The following TRIM35 variants were observed in gnomAD, a reference collection of about 807,000 sequenced individuals.
TRIM35 encodes E3 ubiquitin-protein ligase TRIM35.
Under a neutral mutation model 49.1 loss-of-function variants are expected in TRIM35, and 37 were observed. The observed-to-expected ratio is 0.75, with a 90% CI of 0.58 to 0.99. The LOEUF is 0.99. Among genes scored for constraint, TRIM35 ranks in the 50% least tolerant of loss-of-function variants. TRIM35 has a pLI of 0.00. For missense variants in TRIM35, 648 were observed against 702.7 expected (o/e 0.92, Z 0.88); for synonymous variants, 302 against 289.3 (o/e 1.04, Z -0.45).
At chr8:27,298,721 G>A (rs1802623735) in intron 1 of TRIM35, among the ~76,000 whole-genome samples, 162 bp from the exon 2 acceptor site, 2 of 152,182 alleles carry the variant, frequency 1.3e-5, no homozygotes, top group African/African-American at 4.8e-5. Flanking sequence ...GGGCACAAAT[G>A]GTAAGTAAGG....
At chr8:27,309,660 T>A (rs1802862788) in intron 1 of TRIM35, among the ~76,000 whole-genome samples, 1 of 152,042 alleles carries the variant, frequency 6.6e-6, no homozygotes, top group African/African-American at 2.4e-5. Flanking sequence ...ATGAAATAAA[T>A]TCAATGTTTC....
chr8:27,290,642 C>T (rs1802434232), intron 3 of TRIM35, among the ~76,000 whole-genome samples: 1 of 152,182 alleles, frequency 6.6e-6, no homozygotes, highest in Non-Finnish European at 1.5e-5. Context: ...TTATAATTTA[C>T]CCAGTCTGTG....
At chr8:27,310,196 T>C (rs957596785) in intron 1 of TRIM35, among the ~76,000 whole-genome samples, 1 of 152,178 alleles carries the variant, frequency 6.6e-6, no homozygotes, top group African/African-American at 2.4e-5. Flanking sequence ...GAATTCTCCA[T>C]GTTAGTTTTG....
intron 3 of TRIM35, 87 bp downstream of exon 3, chr8:27,293,993 A>T (rs1383460880): frequency 7.6e-7 from 1 of 1,322,876 alleles, no homozygotes; most frequent in Non-Finnish European, 1.0e-6. Context: ...CAGGAAGATG[A>T]CGTTGGCCAG....
intron 3 of TRIM35, among the ~76,000 whole-genome samples, chr8:27,291,394 TA>T (rs1034043485): frequency 6.6e-6 from 1 of 152,142 alleles, no homozygotes; most frequent in African/African-American, 2.4e-5. Context: ...TTATAATTTT[TA>T]AAAAACAAAT....
intron 4 of TRIM35, 123 bp from the exon 5 acceptor site, chr8:27,289,403 C>T: frequency 1.3e-6 from 1 of 746,886 alleles, no homozygotes; most frequent in Non-Finnish European, 2.3e-6. Flanking sequence ...TCCTGGCCAC[C>T]TTCTCCAAGA....
At position 27,285,496 on chromosome 8, in the gene TRIM35, A is replaced by T. The variant is rs1296853863; in HGVS notation, c.*2054T>A. 1 of 152,212 alleles carries T rather than the reference A, an allele frequency of 6.6e-6. No homozygotes were observed. The highest frequency in any genetic ancestry group is 2.4e-5 in the African/African-American group (1 of 41,460). 9.4% of individuals were successfully genotyped at this position (152,212 alleles called of 1,614,324 possible). A position where few individuals can be genotyped will look rare whatever the true frequency, so the allele number is the denominator to read the frequency against. On this transcript the variant is annotated 3_prime_UTR_variant, in exon 6 of 6. Transcript: ENST00000305364. ...CGATGCATGATAAATAAAATGTAGT[A>T]CTACCATTCCATACAATGGAATATT...
chr8:27,294,475 G>A (rs1289442271), intron 2 of TRIM35, among the ~76,000 whole-genome samples, 165 bp from the exon 3 acceptor site: 2 of 152,194 alleles, frequency 1.3e-5, no homozygotes, highest in Non-Finnish European at 2.9e-5. Context: ...AAATTTCTAA[G>A]TTCCGATTTC....
chr8:27,308,192 A>C (rs765976644), intron 1 of TRIM35, among the ~76,000 whole-genome samples: 12 of 136,938 alleles, frequency 8.8e-5, no homozygotes, highest in Non-Finnish European at 1.2e-4. Context: ...CCAGAACCAT[A>C]AGAGAACAAA....
At chr8:27,297,535 CA>C (rs1802594538) in intron 2 of TRIM35, among the ~76,000 whole-genome samples, 2 of 152,176 alleles carry the variant, frequency 1.3e-5, no homozygotes, top group African/African-American at 4.8e-5. Context: ...TATTGTGTGC[CA>C]AGAACTCCTC....
chr8:27,301,415 G>A lies in TRIM35; in HGVS notation c.436-2856C>T, dbSNP rs554029194. ...ACCATATGTGTCTTCACTTTACTGC[G>A]TAATGCCAAATTGTTTTCCAAAGCA... On this transcript the variant is annotated intron_variant, in intron 1 of 5. Transcript: ENST00000305364. Among the ~76,000 whole-genome samples, 9 of 152,298 alleles carry A rather than the reference G, an allele frequency of 5.9e-5. No individual in the cohort carries two copies. The East Asian group carries it at 9.7e-4, about 16-fold the overall frequency.
At chr8:27,293,013 T>C (rs572910951) in intron 3 of TRIM35, among the ~76,000 whole-genome samples, 3 of 152,212 alleles carry the variant, frequency 2.0e-5, no homozygotes, top group African/African-American at 7.2e-5. Flanking sequence ...CTTTTTTTTT[T>C]TTCTTCATTT....
chr8:27,292,435 A>G (rs901906445), intron 3 of TRIM35, among the ~76,000 whole-genome samples: 7 of 152,268 alleles, frequency 4.6e-5, no homozygotes, highest in African/African-American at 1.7e-4. Context: ...GCATGATTAT[A>G]TATCTATGCC....
At chr8:27,292,755 A>G (rs1802480488) in intron 3 of TRIM35, among the ~76,000 whole-genome samples, 2 of 152,224 alleles carry the variant, frequency 1.3e-5, no homozygotes, top group Admixed American at 1.3e-4. Context: ...GAAATGTTCT[A>G]AAATTGTCGT....
At chr8:27,290,288 T>C (rs1802426506) in intron 3 of TRIM35, 110 bp from the exon 4 acceptor site, 6 of 1,074,898 alleles carry the variant, frequency 5.6e-6, no homozygotes, top group African/African-American at 1.6e-5. Flanking sequence ...AGTCTTAATA[T>C]TGTCAAGATG....
intron 1 of TRIM35, among the ~76,000 whole-genome samples, chr8:27,304,586 T>C (rs1448308885): frequency 6.6e-6 from 1 of 152,248 alleles, no homozygotes; most frequent in African/African-American, 2.4e-5. Flanking sequence ...CCAGGTCCTC[T>C]CTACCTTGCA....
rs904292978 is a variant in TRIM35 at position 27,285,404 on chromosome 8, C to T, written c.*2146G>A. 2.6e-5 allele frequency: 4 copies of T among 152,124 alleles called. No homozygotes were observed. Among genetic ancestry groups the T allele is most frequent in the Admixed American group, 2.6e-4 (4 of 15,272 alleles). The allele number at this position is 152,124 out of a possible 1,614,324, so 9.4% of individuals were successfully genotyped here. ...ACATATGTCCACACAAAAACTCATACACAAAAGTTCCTAGCAGCATTATGT... is the reference window on the plus strand; with the variant it reads ...ACATATGTCCACACAAAAACTCATATACAAAAGTTCCTAGCAGCATTATGT... On this transcript the variant is annotated 3_prime_UTR_variant, in exon 6 of 6. Transcript: ENST00000305364.
chr8:27,290,123 TTCCCC>T, intron 4 of TRIM35, 28 bp downstream of exon 4: 1 of 1,613,806 alleles, frequency 6.2e-7, no homozygotes, highest in Non-Finnish European at 8.5e-7. Flanking sequence ...CTGCCCACTC[TTCCCC>T]TCCCCTCCAC....
At position 27,285,314 on chromosome 8, in the gene TRIM35, G is replaced by A. The variant is rs1224574668; in HGVS notation, c.*2236C>T. 6.6e-6 allele frequency: 1 copy of A among 152,164 alleles called. No homozygotes were observed. Among genetic ancestry groups the A allele is most frequent in the East Asian group, 1.9e-4 (1 of 5,200 alleles). The allele number at this position is 152,164 out of a possible 1,614,324, so 9.4% of individuals were successfully genotyped here. A position where few individuals can be genotyped will look rare whatever the true frequency, so the allele number is the denominator to read the frequency against. On this transcript the variant is annotated 3_prime_UTR_variant, in exon 6 of 6. Transcript: ENST00000305364. The stretch of plus-strand genomic sequence containing the variant: ...GAAAACAGTTTGGGAGTCCCTCAAG[G>A]GTTAAATAGAGTTTCATATGATCCA...
Sources: allele counts gnomAD v4.1 joint callset (sites outside exome capture counted in the v4.1 genomes callset), GRCh38; gene constraint gnomAD v4.1.1; transcripts MANE v1.5; gene names NCBI Gene and HGNC (gene_info 2026-07-23, HGNC 2026-07-21).